The following CUX2 variants were observed in gnomAD, a reference collection of about 807,000 sequenced individuals.
The protein encoded by CUX2 is homeobox protein cut-like 2.
Under a neutral mutation model 144.8 loss-of-function variants are expected in CUX2, and 40 were observed. That is an observed-to-expected ratio of 0.28 (90% CI 0.21 to 0.36). The LOEUF (loss-of-function observed/expected upper bound fraction) is 0.36, where lower values mean the gene tolerates loss of function less well. CUX2 is among the 10% of genes least tolerant of loss of function. CUX2 has a pLI of 1.00. For synonymous variants in CUX2, 827 were observed against 875.6 expected (o/e 0.94, Z 0.98); for missense variants, 1,615 against 1,994.0 (o/e 0.81, Z 3.62).
In CUX2 at chr12:111,304,341, AG is replaced by A. The variant is rs1411365589; in HGVS notation, c.858+30del. On this transcript the variant is annotated intron_variant, in intron 10 of 21. Coordinates refer to ENST00000261726, the MANE Select transcript of CUX2 (RefSeq NM_015267.4). The surrounding 1 kb of genome is among the most constrained non-coding windows in gnomAD (Gnocchi z 4.7). ...TAAGGATGGGGTTGGGGAAGTGAGC[AG>A]GGAGGGCAGAGGGAAAGATCGGGAA... 1.3e-5 allele frequency: 20 copies of A among 1,580,466 alleles called. No individual in the cohort carries two copies. Among genetic ancestry groups the A allele is most frequent in the Admixed American group, 1.7e-5 (1 of 58,602 alleles).
chr12:111,214,064 C>T (rs954087560), intron 1 of CUX2, 136 bp from the exon 2 acceptor site: 1 of 439,276 alleles, frequency 2.3e-6, no homozygotes, highest in Non-Finnish European at 4.0e-6. Context: ...GAGTCAATAT[C>T]CTGTCTTTTC....
chr12:111,075,260 C>T lies in CUX2; in HGVS notation c.63+41020C>T, dbSNP rs142099401. On this transcript the variant is annotated intron_variant, in intron 1 of 21. Coordinates refer to ENST00000261726, the MANE Select transcript of CUX2 (RefSeq NM_015267.4). Reference sequence around the variant, plus strand: ...GCCGACCCTGTCTGCGCAGAGCCACCGCAAAATTACAGCTCAGACAGGATC... The same window carrying T: ...GCCGACCCTGTCTGCGCAGAGCCACTGCAAAATTACAGCTCAGACAGGATC... Among the ~76,000 whole-genome samples, 343 of 152,318 alleles carry T rather than the reference C, an allele frequency of 2.3e-3. 1 individual carries two copies. The highest frequency in any genetic ancestry group is 7.6e-3 in the African/African-American group (315 of 41,570).
rs1555265598 is a variant in CUX2 at position 111,061,215 on chromosome 12, C to CACACAG, written c.63+26976_63+26977insCACAGA. On this transcript the variant is annotated intron_variant, in intron 1 of 21. Transcript: ENST00000261726. The surrounding 1 kb of genome is among the most constrained non-coding windows in gnomAD (Gnocchi z 4.2). Reference sequence around the variant, plus strand: ...ACACACACACACACACACACACACACAGCAAGGAGGATGCCTGGCTTTCTG... The same window carrying CACACAG: ...ACACACACACACACACACACACACACACACAGAGCAAGGAGGATGCCTGGCTTTCTG... Among the ~76,000 whole-genome samples the CACACAG allele has an allele frequency of 6.6e-6, 1 of 150,566 alleles. No individual in the cohort carries two copies. The highest frequency in any genetic ancestry group is 1.5e-5 in the Non-Finnish European group (1 of 67,848).
intron 2 of CUX2, among the ~76,000 whole-genome samples, chr12:111,215,150 A>C (rs1350495364): frequency 6.6e-6 from 1 of 152,174 alleles, no homozygotes; most frequent in Non-Finnish European, 1.5e-5. Context: ...GAAGGTTAAC[A>C]TCTGTCCTTA....
At chr12:111,194,118 G>A (rs1205176492) in intron 1 of CUX2, among the ~76,000 whole-genome samples, 1 of 152,148 alleles carries the variant, frequency 6.6e-6, no homozygotes, top group Non-Finnish European at 1.5e-5. Context: ...TCACTAAAGC[G>A]AATCTCTAGA....
At chr12:111,281,050 C>T (rs1032391529) in intron 4 of CUX2, among the ~76,000 whole-genome samples, 3 of 152,122 alleles carry the variant, frequency 2.0e-5, no homozygotes, top group Non-Finnish European at 4.4e-5. Flanking sequence ...TTGCAGTAGC[C>T]GCCTATCTGA....
chr12:111,251,775 C>A (rs1415763570), intron 3 of CUX2, among the ~76,000 whole-genome samples: 1 of 152,078 alleles, frequency 6.6e-6, no homozygotes, highest in African/African-American at 2.4e-5. Context: ...GGTAGGTGGG[C>A]TTCCTAGGTC....
intron 13 of CUX2, 26 bp downstream of exon 13, chr12:111,308,359 C>T (rs777338739): frequency 2.5e-6 from 4 of 1,614,108 alleles, no homozygotes; most frequent in East Asian, 2.2e-5. Flanking sequence ...ACCATCCCTG[C>T]AGGGCAGGCT....
At chr12:111,232,074 A>G (rs1170692048) in intron 3 of CUX2, among the ~76,000 whole-genome samples, 2 of 152,002 alleles carry the variant, frequency 1.3e-5, no homozygotes, top group Non-Finnish European at 2.9e-5. Context: ...AGAATATTCA[A>G]CAACAGCCCA....
rs1877705734 is a variant in CUX2 at position 111,160,739 on chromosome 12, A to G, written c.64-53461A>G. ...TGGGGGGCAGGCGGTGGCCTGGAGG[A>G]GGAGGCTTGGTGACAGAAGATGGCT... On this transcript the variant is annotated intron_variant, in intron 1 of 21. Transcript: ENST00000261726. The surrounding 1 kb of genome is among the most constrained non-coding windows in gnomAD (Gnocchi z 4.1). Among the ~76,000 whole-genome samples the G allele has an allele frequency of 1.3e-5, 2 of 151,894 alleles. No homozygotes were observed. The highest frequency in any genetic ancestry group is 4.8e-5 in the African/African-American group (2 of 41,344).
chr12:111,215,856 A>T (rs1045080484), intron 2 of CUX2, among the ~76,000 whole-genome samples: 17 of 152,336 alleles, frequency 1.1e-4, no homozygotes, highest in Non-Finnish European at 2.5e-4. Flanking sequence ...TGATGAGGGA[A>T]ATCCAGGCCA....
chr12:111,163,355 A>G (rs1877908303), intron 1 of CUX2, among the ~76,000 whole-genome samples: 1 of 152,226 alleles, frequency 6.6e-6, no homozygotes, highest in African/African-American at 2.4e-5. Flanking sequence ...CAATGACTCA[A>G]CCATTGTAAC....
At chr12:111,054,868 C>A (rs531561939) in intron 1 of CUX2, among the ~76,000 whole-genome samples, 2 of 152,328 alleles carry the variant, frequency 1.3e-5, no homozygotes, top group East Asian at 3.9e-4. Flanking sequence ...CTCAGGCGAT[C>A]CACCTCCCTC....
At chr12:111,176,039 CT>C (rs1172563784) in intron 1 of CUX2, among the ~76,000 whole-genome samples, 4,647 of 70,344 alleles carry the variant, frequency 0.066, 177 homozygotes, top group African/African-American at 0.21. Flanking sequence ...TCTTCTTCTT[CT>C]TTTTTTTTTT....
At chr12:111,154,249 T>C (rs1276855768) in intron 1 of CUX2, among the ~76,000 whole-genome samples, 1 of 152,056 alleles carries the variant, frequency 6.6e-6, no homozygotes, top group Non-Finnish European at 1.5e-5. Flanking sequence ...GTAGTGTCAC[T>C]GGAATGTTCT....
At chr12:111,230,957 G>A (rs1882436229) in intron 3 of CUX2, among the ~76,000 whole-genome samples, 1 of 152,162 alleles carries the variant, frequency 6.6e-6, no homozygotes, top group South Asian at 2.1e-4. Context: ...TCAGAGCACA[G>A]ACAGCAGTGG....
chr12:111,137,421 T>C (rs764279406), intron 1 of CUX2, among the ~76,000 whole-genome samples: 3 of 152,228 alleles, frequency 2.0e-5, no homozygotes, highest in East Asian at 1.9e-4. Context: ...TCAGACACTT[T>C]GGGGAAAGGT....
chr12:111,244,967 T>C (rs1235549619), intron 3 of CUX2, among the ~76,000 whole-genome samples: 1 of 152,188 alleles, frequency 6.6e-6, no homozygotes, highest in East Asian at 1.9e-4. Flanking sequence ...CCTGGGCTCT[T>C]AGCTGGGAGC....
At chr12:111,120,035 G>A (rs1874548769) in intron 1 of CUX2, among the ~76,000 whole-genome samples, 1 of 152,148 alleles carries the variant, frequency 6.6e-6, no homozygotes, top group Non-Finnish European at 1.5e-5. Context: ...TCCAGCCTGG[G>A]CGACAGAGTG....
Sources: gnomAD v4.1 joint callset for allele counts (sites outside exome capture counted in the v4.1 genomes callset) on GRCh38, gnomAD v4.1.1 for gene constraint, Gnocchi (gnomAD v3.1) non-coding constraint, MANE v1.5 for transcripts, NCBI Gene and HGNC (gene_info 2026-07-23, HGNC 2026-07-21) for gene names.